Variants in LMO3 observed in about 807,000 individuals in gnomAD.
LMO3 encodes LIM domain only 3.
LMO3 carries 2 observed loss-of-function variants against 15.8 expected under a neutral mutation model. The observed-to-expected ratio is 0.13, with a 90% CI of 0.05 to 0.40. The LOEUF is 0.40. Ranked by LOEUF, LMO3 falls within the 10% of genes least tolerant of loss-of-function variation. LMO3 has a pLI of 0.99. For synonymous variants in LMO3, 62 were observed against 63.8 expected (o/e 0.97, Z 0.13); for missense variants, 86 against 182.2 (o/e 0.47, Z 3.04).
In LMO3 at chr12:16,576,440, C is replaced by CT. The variant is rs928428304; in HGVS notation, c.207-15903dup. ...TATTCTTCCTGGAAGACTACTGCTG[C>CT]TTTTTTTTCATATTCAGATCAAATG... On this transcript the variant is annotated intron_variant, in intron 2 of 3. Transcript: ENST00000537304. The surrounding 1 kb of genome is among the most constrained non-coding windows in gnomAD (Gnocchi z 4.1). 3.9e-5 allele frequency among the ~76,000 whole-genome samples: 6 copies of CT among 152,154 alleles called. No homozygotes were observed. Among genetic ancestry groups the CT allele is most frequent in the Admixed American group, 6.5e-5 (1 of 15,280 alleles).
chr12:16,605,688 C>T (rs1943970926), intron 1 of LMO3: 4 of 1,330,554 alleles, frequency 3.0e-6, no homozygotes, highest in Non-Finnish European at 4.2e-6. Context: ...ACTCTCCCTG[C>T]CCCTCTCTCC....
At chr12:16,563,594 C>T (rs1355504927) in intron 2 of LMO3, among the ~76,000 whole-genome samples, 1 of 151,998 alleles carries the variant, frequency 6.6e-6, no homozygotes, top group Non-Finnish European at 1.5e-5. Context: ...GTAACCTCTT[C>T]CTCTGCACTC....
chr12:16,575,782 C>G (rs547565265), intron 2 of LMO3, among the ~76,000 whole-genome samples: 1 of 150,428 alleles, frequency 6.6e-6, no homozygotes, highest in African/African-American at 2.5e-5. Flanking sequence ...CTTTTCATGT[C>G]CTGACCTGTA....
intron 2 of LMO3, among the ~76,000 whole-genome samples, chr12:16,562,477 C>T (rs2137351361): frequency 6.6e-6 from 1 of 152,248 alleles, no homozygotes; most frequent in East Asian, 1.9e-4. Flanking sequence ...GTAGTTTTCC[C>T]CCATTTCAAT....
In LMO3 at chr12:16,575,738, T is replaced by C. The variant is rs373305704; in HGVS notation, c.207-15200A>G. On this transcript the variant is annotated intron_variant, in intron 2 of 3. Coordinates refer to ENST00000537304, the MANE Select transcript of LMO3 (RefSeq NM_018640.5). ...TGTCAAGAGAACAACAGAAGGAGCC[T>C]CAGAGGCTATTCACTACTACCTCTT... is the stretch of plus-strand genomic sequence containing the variant. Among the ~76,000 whole-genome samples the C allele has an allele frequency of 3.7e-4, 56 of 152,274 alleles. No homozygotes were observed. In the South Asian group the frequency reaches 7.7e-3, roughly 21 times the overall value.
intron 2 of LMO3, among the ~76,000 whole-genome samples, chr12:16,577,348 G>A (rs1449309720): frequency 6.6e-6 from 1 of 152,050 alleles, no homozygotes; most frequent in Non-Finnish European, 1.5e-5. Context: ...ATTCTTCCAT[G>A]AAGGCCTCCT....
rs180954734 is a variant in LMO3, at chr12:16,585,857, G to A, written c.206+14798C>T. On this transcript the variant is annotated intron_variant, in intron 2 of 3. Transcript: ENST00000537304. This position sits in a 1 kb window ranked among gnomAD's most constrained non-coding sequence, Gnocchi z 4.7. Reference sequence around the variant, plus strand: ...AAGAAAAGAGGGAAAATGTCAACATGTATATGATTCACAGGCCCAAGTAAA... The same window carrying A: ...AAGAAAAGAGGGAAAATGTCAACATATATATGATTCACAGGCCCAAGTAAA... Among the ~76,000 whole-genome samples the A allele has an allele frequency of 6.6e-6, 1 of 152,322 alleles. No individual in the cohort carries two copies. The highest frequency in any genetic ancestry group is 6.5e-5 in the Admixed American group (1 of 15,292).
rs1298728796 is a variant in LMO3 at position 16,577,000 on chromosome 12, T to A, written c.207-16462A>T. On this transcript the variant is annotated intron_variant, in intron 2 of 3. Transcript: ENST00000537304. This position sits in a 1 kb window ranked among gnomAD's most constrained non-coding sequence, Gnocchi z 4.1. Reference sequence around the variant, plus strand: ...TACACTGGAAGCTTGCTAGGCAACATGAGAATCTACTTGCTGAAACTTAGC... The same window carrying A: ...TACACTGGAAGCTTGCTAGGCAACAAGAGAATCTACTTGCTGAAACTTAGC... Among the ~76,000 whole-genome samples, 1 of 152,212 alleles carries A rather than the reference T, an allele frequency of 6.6e-6. No individual in the cohort carries two copies. Among genetic ancestry groups the A allele is most frequent in the African/African-American group, 2.4e-5 (1 of 41,458 alleles).
intron 1 of LMO3, among the ~76,000 whole-genome samples, chr12:16,602,545 C>T (rs573067711): frequency 5.9e-5 from 9 of 152,302 alleles, no homozygotes; most frequent in Admixed American, 5.2e-4. Context: ...CTGTAGTCAC[C>T]GGAGCTGCAG....
At chr12:16,557,649 G>A (rs750091431) in intron 3 of LMO3, among the ~76,000 whole-genome samples, 1 of 152,074 alleles carries the variant, frequency 6.6e-6, no homozygotes, top group Non-Finnish European at 1.5e-5. Context: ...GGAAAGTCAA[G>A]TTAGTGGACT....
intron 2 of LMO3, among the ~76,000 whole-genome samples, chr12:16,566,840 C>A (rs1357251980): frequency 6.6e-6 from 1 of 152,064 alleles, no homozygotes; most frequent in Non-Finnish European, 1.5e-5. Flanking sequence ...TAGGCAGATA[C>A]TACACTGAAT....
At position 16,604,948 on chromosome 12, in the gene LMO3, GT is replaced by G; in HGVS notation, c.-9+1117del. 3 of 1,598,344 alleles carry G rather than the reference GT, an allele frequency of 1.9e-6. No individual in the cohort carries two copies. The highest frequency in any genetic ancestry group is 8.5e-7 in the Non-Finnish European group (1 of 1,179,734). On this transcript the variant is annotated intron_variant, in intron 1 of 3. Coordinates refer to ENST00000537304, the MANE Select transcript of LMO3 (RefSeq NM_018640.5). The surrounding 1 kb of genome is among the most constrained non-coding windows in gnomAD (Gnocchi z 5.3). ...TTCGCATTGAGCACCAAACCCAAAG[GT>G]AGAAGTAGAAGGGGGTCTCCTTGAT...
intron 1 of LMO3, 154 bp downstream of exon 1, chr12:16,605,912 T>C (rs987261419): frequency 3.0e-6 from 4 of 1,326,454 alleles, no homozygotes; most frequent in South Asian, 1.3e-5. Context: ...CGAGTGAAAG[T>C]TGCAGTGCGG....
chr12:16,551,623 A>G (rs1186251395), intron 3 of LMO3, among the ~76,000 whole-genome samples: 1 of 149,914 alleles, frequency 6.7e-6, no homozygotes, highest in Non-Finnish European at 1.5e-5. Flanking sequence ...CACTGGAAAG[A>G]AAAAAAATAA....
Position 16,593,495 on chromosome 12 carries a change from T to C in LMO3, c.206+7160A>G, listed in dbSNP as rs985586551. Among the ~76,000 whole-genome samples, 4 of 151,704 alleles carry C rather than the reference T, an allele frequency of 2.6e-5. No homozygotes were observed. Among genetic ancestry groups the C allele is most frequent in the African/African-American group, 9.7e-5 (4 of 41,374 alleles). ...ATTTTTGCATCAGAAAACACTAACA[T>C]GATAGCGCAAAGGAATTCGGCGAAA... is the stretch of plus-strand genomic sequence containing the variant. On this transcript the variant is annotated intron_variant, in intron 2 of 3. Transcript: ENST00000537304. This position sits in a 1 kb window ranked among gnomAD's most constrained non-coding sequence, Gnocchi z 4.2.
intron 3 of LMO3, 86 bp from the exon 4 acceptor site, chr12:16,551,413 T>G: frequency 2.5e-6 from 2 of 796,378 alleles, no homozygotes; most frequent in Non-Finnish European, 4.2e-6. Flanking sequence ...TATTAATAGT[T>G]TCGCATGGTA....
chr12:16,595,527 G>A (rs1030036664), intron 2 of LMO3, among the ~76,000 whole-genome samples: 27 of 151,386 alleles, frequency 1.8e-4, no homozygotes, highest in African/African-American at 5.8e-4. Flanking sequence ...CTCCTAATTT[G>A]TATTGGTTCA....
chr12:16,601,218 A>C (rs1943812094), intron 1 of LMO3, among the ~76,000 whole-genome samples: 1 of 152,220 alleles, frequency 6.6e-6, no homozygotes, highest in Non-Finnish European at 1.5e-5. Context: ...AGTAAATAAC[A>C]ATCTGAAAAG....
At position 16,584,440 on chromosome 12, in the gene LMO3, C is replaced by G. The variant is rs1346146012; in HGVS notation, c.206+16215G>C. 6.6e-6 allele frequency among the ~76,000 whole-genome samples: 1 copy of G among 152,138 alleles called. No individual in the cohort carries two copies. Among genetic ancestry groups the G allele is most frequent in the Non-Finnish European group, 1.5e-5 (1 of 68,032 alleles). On this transcript the variant is annotated intron_variant, in intron 2 of 3. Coordinates refer to ENST00000537304, the MANE Select transcript of LMO3 (RefSeq NM_018640.5). The surrounding 1 kb of genome is among the most constrained non-coding windows in gnomAD (Gnocchi z 5.2). ...GCATCTGGCCAAAAGATTGTGGACACAGCAAAAGTTATTGACAAGGACATG... is the reference window on the plus strand; with the variant it reads ...GCATCTGGCCAAAAGATTGTGGACAGAGCAAAAGTTATTGACAAGGACATG...
Sources: gnomAD v4.1 joint callset for allele counts (sites outside exome capture counted in the v4.1 genomes callset) on GRCh38, gnomAD v4.1.1 for gene constraint, Gnocchi (gnomAD v3.1) non-coding constraint, MANE v1.5 for transcripts, NCBI Gene and HGNC (gene_info 2026-07-23, HGNC 2026-07-21) for gene names.